SH3PXD2A: variants seen among roughly 807,000 people sequenced by gnomAD.
SH3PXD2A encodes the protein SH3 and PX domains 2A.
Under a neutral mutation model 115.2 loss-of-function variants are expected in SH3PXD2A, and 32 were observed. The ratio of observed to expected loss-of-function variants is 0.28; its 90% CI spans 0.21 to 0.37. SH3PXD2A has a LOEUF of 0.37. Among genes scored for constraint, SH3PXD2A ranks in the 10% least tolerant of loss-of-function variants. The pLI is 1.00. For synonymous variants in SH3PXD2A, 610 were observed against 629.1 expected (o/e 0.97, Z 0.45); for missense variants, 1,328 against 1,498.7 (o/e 0.89, Z 1.88).
In SH3PXD2A at chr10:103,735,743, C is replaced by T; in HGVS notation, c.295G>A (p.Glu99Lys). The T allele has an allele frequency of 1.3e-6, 2 of 1,562,288 alleles. No individual in the cohort carries two copies. The highest frequency in any genetic ancestry group is 1.8e-6 in the Non-Finnish European group (2 of 1,141,804). The change falls in exon 4 of 15, where the codon GAA (glutamate) becomes AAA (lysine). Residue 99 changes from glutamate to lysine, a missense_variant. Transcript: ENST00000369774. ...AGATACACTCTCACCCGGCAGTATT[C>T]ATCGATGGGCTTCAGTCTCTTCACA... Reference protein sequence around the residue: ...VAVKRLKPIDEYCRALVRLPP... With the variant: ...VAVKRLKPIDKYCRALVRLPP...
chr10:103,822,696 A>C (rs2039393464), intron 1 of SH3PXD2A, among the ~76,000 whole-genome samples: 1 of 152,248 alleles, frequency 6.6e-6, no homozygotes, highest in South Asian at 2.1e-4. Flanking sequence ...ACCACCACCA[A>C]GCCCCCTTAG....
At chr10:103,670,631 C>T (rs1592292671) in intron 6 of SH3PXD2A, among the ~76,000 whole-genome samples, 2 of 152,328 alleles carry the variant, frequency 1.3e-5, no homozygotes, top group South Asian at 4.2e-4. Flanking sequence ...CACTCTCAGA[C>T]ACCGGGTTAT....
chr10:103,842,926 T>C (rs2039614596), intron 1 of SH3PXD2A, among the ~76,000 whole-genome samples: 2 of 152,222 alleles, frequency 1.3e-5, no homozygotes, highest in African/African-American at 4.8e-5. Context: ...TCATTCTTGG[T>C]AAGTGTTAAA....
intron 1 of SH3PXD2A, among the ~76,000 whole-genome samples, chr10:103,808,146 G>C (rs534473238): frequency 3.5e-4 from 54 of 152,216 alleles, no homozygotes; most frequent in Admixed American, 7.8e-4. Context: ...CTCCCCATGA[G>C]AGTGCCTACA....
rs144514875 is a variant in SH3PXD2A, at chr10:103,621,017, C to A, written c.802+1453G>T. On this transcript the variant is annotated intron_variant, in intron 10 of 14. Transcript: ENST00000369774. ...CAGAAGACACATGGCACGGTGTATG[C>A]GTGGCTGCATAATTGGAATTGTGTA... 1.5e-3 allele frequency among the ~76,000 whole-genome samples: 230 copies of A among 152,162 alleles called. 1 individual carries two copies. The highest frequency in any genetic ancestry group is 3.5e-3 in the South Asian group (17 of 4,820).
At chr10:103,656,846 A>T (rs1488669715) in intron 8 of SH3PXD2A, among the ~76,000 whole-genome samples, 3 of 150,534 alleles carry the variant, frequency 2.0e-5, no homozygotes, top group Non-Finnish European at 4.4e-5. Context: ...AAAAAAAAAA[A>T]TCTACATGGT....
intron 8 of SH3PXD2A, among the ~76,000 whole-genome samples, chr10:103,635,309 G>C (rs1268841276): frequency 6.6e-6 from 1 of 152,210 alleles, no homozygotes; most frequent in Non-Finnish European, 1.5e-5. Flanking sequence ...TTGGGAGGTG[G>C]GGCAGGGAGC....
chr10:103,816,256 C>T (rs182727264), intron 1 of SH3PXD2A, among the ~76,000 whole-genome samples: 5 of 152,204 alleles, frequency 3.3e-5, no homozygotes, highest in East Asian at 1.9e-4. Context: ...AACATCATGT[C>T]GTAGACTTGA....
At position 103,791,236 on chromosome 10, in the gene SH3PXD2A, A is replaced by G. The variant is rs1589455935; in HGVS notation, c.153+10046T>C. Among the ~76,000 whole-genome samples the G allele has an allele frequency of 2.0e-5, 3 of 152,326 alleles. No homozygotes were observed. The South Asian group carries it at 6.2e-4, about 32-fold the overall frequency. On this transcript the variant is annotated intron_variant, in intron 2 of 14. Transcript: ENST00000369774. ...AGGCTGGGGGTGCAGCAAAGGGCGG[A>G]GATGGCTTTTGATTTTCTACTGCAC...
At chr10:103,724,245 A>G (rs1260037152) in intron 5 of SH3PXD2A, 25 bp downstream of exon 5, 1 of 1,377,674 alleles carries the variant, frequency 7.3e-7, no homozygotes, top group South Asian at 1.4e-5. Context: ...CCCAGCACAC[A>G]GGAGAGGCCT....
In SH3PXD2A at chr10:103,601,878, G is replaced by A; in HGVS notation, c.3340C>T (p.Leu1114=). The A allele has an allele frequency of 6.2e-7, 1 of 1,613,790 alleles. No individual in the cohort carries two copies. The highest frequency in any genetic ancestry group is 1.3e-5 in the African/African-American group (1 of 74,984). Residue 1114 remains leucine (L), a synonymous_variant, in exon 15 of 15, where the codon CTG becomes TTG. Transcript: ENST00000369774. ...CCTTTGAAGGGCTTCACACCATCCA[G>A]GATCTGGCAGTACCACCAGCCATTA... is the stretch of plus-strand genomic sequence containing the variant. ...NPNGWWYCQI[L]DGVKPFKGWV...
chr10:103,730,282 T>C (rs1214610208), intron 4 of SH3PXD2A, among the ~76,000 whole-genome samples: 2 of 150,658 alleles, frequency 1.3e-5, no homozygotes, highest in Non-Finnish European at 3.0e-5. Context: ...TTTTTTTGTT[T>C]TTTAATTTTT....
At position 103,627,176 on chromosome 10, in the gene SH3PXD2A, C is replaced by T. The variant is rs1179938628; in HGVS notation, c.631G>A (p.Glu211Lys). The change falls in exon 9 of 15, where the codon GAG becomes AAG. Residue 211 changes from glutamate to lysine, a missense_variant. Coordinates refer to ENST00000369774, the MANE Select transcript of SH3PXD2A (RefSeq NM_001394015.1). The surrounding 1 kb of genome is among the most constrained non-coding windows in gnomAD (Gnocchi z 4.4). ...TAGGTGGCAGGGACCCAGCCCTGCTCCTCAGAAGTGCTCACGAACCACCAG... is the reference window on the plus strand; with the variant it reads ...TAGGTGGCAGGGACCCAGCCCTGCTTCTCAGAAGTGCTCACGAACCACCAG... The part of the protein sequence containing the change: ...SGWWFVSTSE[E>K]QGWVPATYLE... The T allele has an allele frequency of 1.9e-6, 3 of 1,612,152 alleles. No individual in the cohort carries two copies. The highest frequency in any genetic ancestry group is 1.7e-4 in the Middle Eastern group (1 of 6,060).
At position 103,784,563 on chromosome 10, in the gene SH3PXD2A, A is replaced by G. The variant is rs2038963013; in HGVS notation, c.153+16719T>C. 6.6e-6 allele frequency among the ~76,000 whole-genome samples: 1 copy of G among 152,210 alleles called. No homozygotes were observed. The highest frequency in any genetic ancestry group is 2.4e-5 in the African/African-American group (1 of 41,446). On this transcript the variant is annotated intron_variant, in intron 2 of 14. Coordinates refer to ENST00000369774, the MANE Select transcript of SH3PXD2A (RefSeq NM_001394015.1). The surrounding 1 kb of genome is among the most constrained non-coding windows in gnomAD (Gnocchi z 4.4). ...TCTCATGCCTGTGATATCATTTTCT[A>G]TAGGATTGAAAACATTCCTAATTAC...
At chr10:103,618,081 A>C (rs946101514) in intron 10 of SH3PXD2A, among the ~76,000 whole-genome samples, 4 of 152,232 alleles carry the variant, frequency 2.6e-5, no homozygotes, top group Non-Finnish European at 5.9e-5. Context: ...GCCGAGGCCT[A>C]GCCCCTCTGG....
intron 2 of SH3PXD2A, among the ~76,000 whole-genome samples, chr10:103,773,143 G>A (rs112836951): frequency 0.079 from 11,953 of 151,258 alleles, 596 homozygotes; most frequent in South Asian, 0.14. Context: ...TGAATCGCTT[G>A]AGCCTGGCAG....
intron 2 of SH3PXD2A, among the ~76,000 whole-genome samples, chr10:103,796,146 C>T (rs2039086207): frequency 6.6e-6 from 1 of 151,724 alleles, no homozygotes. Flanking sequence ...GATACTTGAG[C>T]CCAGGAGTTT....
chr10:103,632,697 C>T (rs1000700852), intron 8 of SH3PXD2A, among the ~76,000 whole-genome samples: 23 of 152,118 alleles, frequency 1.5e-4, no homozygotes, highest in Non-Finnish European at 5.9e-5. Context: ...GAGCCTGGGC[C>T]GGGCGCGGTG....
At chr10:103,742,260 T>C (rs1376134607) in intron 3 of SH3PXD2A, among the ~76,000 whole-genome samples, 1 of 152,214 alleles carries the variant, frequency 6.6e-6, no homozygotes, top group Non-Finnish European at 1.5e-5. Flanking sequence ...AGAGTTCTTC[T>C]GCACCTCTTC....
Sources: gnomAD v4.1 joint callset for allele counts (sites outside exome capture counted in the v4.1 genomes callset) on GRCh38, gnomAD v4.1.1 for gene constraint, Gnocchi (gnomAD v3.1) non-coding constraint, MANE v1.5 for transcripts, NCBI Gene and HGNC (gene_info 2026-07-23, HGNC 2026-07-21) for gene names.